The following AGO4 variants were observed in gnomAD, a reference collection of about 807,000 sequenced individuals.
The protein encoded by AGO4 is protein argonaute-4.
A neutral mutation model predicts 104.7 loss-of-function variants in AGO4; 33 were observed. The ratio of observed to expected loss-of-function variants is 0.32; its 90% confidence interval spans 0.24 to 0.42. AGO4 has a LOEUF of 0.42. Among genes scored for constraint, AGO4 ranks in the 10% least tolerant of loss-of-function variants. The pLI is 1.00. For missense variants in AGO4, 711 were observed against 1,083.4 expected (o/e 0.66, Z 4.83); for synonymous variants, 331 against 364.7 (o/e 0.91, Z 1.05).
intron 11 of AGO4, among the ~76,000 whole-genome samples, chr1:35,833,272 C>T (rs942905852): frequency 2.0e-5 from 3 of 150,682 alleles, no homozygotes; most frequent in Admixed American, 6.6e-5. Flanking sequence ...AGCAAGACTG[C>T]GTCTCAAAAA....
Position 35,855,833 on chromosome 1 carries a change from G to A in AGO4, c.*2228G>A, listed in dbSNP as rs1180918209. 6.6e-6 allele frequency: 1 copy of A among 152,220 alleles called. No individual in the cohort carries two copies. Among genetic ancestry groups the A allele is most frequent in the Non-Finnish European group, 1.5e-5 (1 of 68,066 alleles). 9.4% of individuals were successfully genotyped at this position (152,220 alleles called of 1,614,324 possible). On this transcript the variant is annotated 3_prime_UTR_variant, in exon 18 of 18. Coordinates refer to ENST00000373210, the MANE Select transcript of AGO4 (RefSeq NM_017629.4). ...GGAAAAAACGGAAGCTTTTTTAGGA[G>A]AAGGAGGACTTGCTGGAATCCAAGA...
intron 1 of AGO4, among the ~76,000 whole-genome samples, chr1:35,809,387 C>T (rs758267231): frequency 5.3e-5 from 8 of 152,130 alleles, no homozygotes; most frequent in Non-Finnish European, 1.0e-4. Flanking sequence ...ACTTTACCTA[C>T]ATAATGAACT....
chr1:35,812,405 A>G (rs1475502191), intron 1 of AGO4, among the ~76,000 whole-genome samples: 1 of 152,144 alleles, frequency 6.6e-6, no homozygotes, highest in Non-Finnish European at 1.5e-5. Flanking sequence ...TTGACATTCA[A>G]GTACTTCAGA....
chr1:35,813,325 C>T (rs530747392), intron 1 of AGO4, among the ~76,000 whole-genome samples: 1 of 151,350 alleles, frequency 6.6e-6, no homozygotes, highest in Non-Finnish European at 1.5e-5. Flanking sequence ...AGGAGAATGG[C>T]GTGAACCCGG....
rs1320890913 is a variant in AGO4, at chr1:35,855,654, T to C, written c.*2049T>C. The stretch of plus-strand genomic sequence containing the variant: ...GATGTTAATTTCTTAAAATTTTCCT[T>C]TTTTTTTTTTTTTTTTGCAAATACC... On this transcript the variant is annotated 3_prime_UTR_variant, in exon 18 of 18. Transcript: ENST00000373210. 16 of 101,668 alleles carry C rather than the reference T, an allele frequency of 1.6e-4. No individual in the cohort carries two copies. The highest frequency in any genetic ancestry group is 5.7e-5 in the African/African-American group (1 of 17,500). The allele number at this position is 101,668 out of a possible 1,614,324, so 6.3% of individuals were successfully genotyped here. A position where few individuals can be genotyped will look rare whatever the true frequency, so the allele number is the denominator to read the frequency against.
Position 35,808,087 on chromosome 1 carries a change from C to T in AGO4, c.-330C>T, listed in dbSNP as rs1464986763. The stretch of plus-strand genomic sequence containing the variant: ...CCCGGGGCCGCGCACGCCCCCTCCG[C>T]CCGCCGGGACCCTGGGTCCGCGCAC... On this transcript the variant is annotated 5_prime_UTR_variant, in exon 1 of 18. Coordinates refer to ENST00000373210, the MANE Select transcript of AGO4 (RefSeq NM_017629.4). This position sits in a 1 kb window ranked among gnomAD's most constrained non-coding sequence, Gnocchi z 5.2. 6.7e-6 allele frequency: 1 copy of T among 149,306 alleles called. No homozygotes were observed. Among genetic ancestry groups the T allele is most frequent in the Non-Finnish European group, 1.5e-5 (1 of 66,758 alleles). The allele number at this position is 149,306 out of a possible 1,614,324, so 9.2% of individuals were successfully genotyped here. A position where few individuals can be genotyped will look rare whatever the true frequency, so the allele number is the denominator to read the frequency against.
chr1:35,836,139 A>G (rs1031231518), intron 13 of AGO4, 146 bp downstream of exon 13: 2 of 912,790 alleles, frequency 2.2e-6, no homozygotes, highest in African/African-American at 3.4e-5. Context: ...AGATAAAGAT[A>G]TAGAACATTT....
chr1:35,851,416 G>A (rs1644699011), intron 17 of AGO4, among the ~76,000 whole-genome samples: 1 of 152,176 alleles, frequency 6.6e-6, no homozygotes, highest in Non-Finnish European at 1.5e-5. Flanking sequence ...TCATGCAAGT[G>A]AGGAGGCCTG....
intron 13 of AGO4, among the ~76,000 whole-genome samples, chr1:35,837,568 C>T (rs946818118): frequency 6.6e-6 from 1 of 151,996 alleles, no homozygotes; most frequent in Non-Finnish European, 1.5e-5. Flanking sequence ...TTTATAGAGA[C>T]AGGGTTTTGT....
At chr1:35,848,135 TAC>T (rs2148685882) in intron 15 of AGO4, among the ~76,000 whole-genome samples, 1 of 152,324 alleles carries the variant, frequency 6.6e-6, no homozygotes, top group African/African-American at 2.4e-5. Context: ...ATTCTGTTCC[TAC>T]AGTTTTGCTT....
intron 15 of AGO4, among the ~76,000 whole-genome samples, chr1:35,849,707 T>G (rs1571313073): frequency 6.8e-6 from 1 of 147,440 alleles, no homozygotes; most frequent in Non-Finnish European, 1.5e-5. Flanking sequence ...AAAAAAAAAG[T>G]ACTAGTTATG....
chr1:35,820,830 T>G (rs1643873614), intron 2 of AGO4, among the ~76,000 whole-genome samples: 1 of 152,190 alleles, frequency 6.6e-6, no homozygotes, highest in Non-Finnish European at 1.5e-5. Context: ...CAAGCACCAT[T>G]CTAAATACTC....
chr1:35,829,225 C>T (rs1478922175), intron 7 of AGO4, among the ~76,000 whole-genome samples: 2 of 151,184 alleles, frequency 1.3e-5, no homozygotes, highest in Non-Finnish European at 1.5e-5. Flanking sequence ...AGTATGACCT[C>T]ATGTACACAC....
Position 35,853,657 on chromosome 1 carries a change from T to C in AGO4, c.*52T>C, listed in dbSNP as rs750224521. ...TTTGGCACCCCATGCAGCCTCAAAA[T>C]GTTTCAAATGCCTACCGCCTCTAGA... On this transcript the variant is annotated 3_prime_UTR_variant, in exon 18 of 18. Coordinates refer to ENST00000373210, the MANE Select transcript of AGO4 (RefSeq NM_017629.4). The C allele has an allele frequency of 2.5e-5, 37 of 1,509,554 alleles. No individual in the cohort carries two copies. The Admixed American group carries it at 5.8e-4, about 24-fold the overall frequency. 93.5% of individuals were successfully genotyped at this position (1,509,554 alleles called of 1,614,324 possible). A position where few individuals can be genotyped will look rare whatever the true frequency, so the allele number is the denominator to read the frequency against.
intron 2 of AGO4, among the ~76,000 whole-genome samples, chr1:35,818,853 GT>G (rs1241672545): frequency 1.3e-5 from 2 of 152,072 alleles, no homozygotes; most frequent in Non-Finnish European, 2.9e-5. Context: ...GGTTAGGTGA[GT>G]TTTAAATACT....
Position 35,854,592 on chromosome 1 carries a change from T to C in AGO4, c.*987T>C, listed in dbSNP as rs370121658. ...ATCAGCTATTTCTTATATATCATAA[T>C]CTGGCAATTTCTGAAACCAGTCAGA... On this transcript the variant is annotated 3_prime_UTR_variant, in exon 18 of 18. Coordinates refer to ENST00000373210, the MANE Select transcript of AGO4 (RefSeq NM_017629.4). 1.5e-3 allele frequency: 235 copies of C among 152,792 alleles called. 2 individuals are homozygous for C. The highest frequency in any genetic ancestry group is 5.1e-3 in the African/African-American group (213 of 41,590). 9.5% of individuals were successfully genotyped at this position (152,792 alleles called of 1,614,324 possible).
Position 35,825,858 on chromosome 1 carries a change from TTTTG to T in AGO4, c.626-52_626-49del, listed in dbSNP as rs761190583. On this transcript the variant is annotated intron_variant, in intron 5 of 17. Coordinates refer to ENST00000373210, the MANE Select transcript of AGO4 (RefSeq NM_017629.4). ...TTATCCAATAACTCTTTGGGCTGGT[TTTTG>T]TTTGTTTGTTTGTTTTGGCCCTTCC... 103 of 1,595,976 alleles carry T rather than the reference TTTTG, an allele frequency of 6.5e-5. No individual in the cohort carries two copies. The East Asian group carries it at 1.1e-3, about 18-fold the overall frequency.
chr1:35,838,901 G>A (rs944020656), intron 13 of AGO4, among the ~76,000 whole-genome samples: 8 of 151,934 alleles, frequency 5.3e-5, no homozygotes, highest in East Asian at 1.9e-4. Context: ...TTGCTCTTAC[G>A]CAATCATATC....
intron 15 of AGO4, among the ~76,000 whole-genome samples, chr1:35,848,219 A>G (rs769931314): frequency 6.6e-6 from 1 of 152,220 alleles, no homozygotes; most frequent in Non-Finnish European, 1.5e-5. Flanking sequence ...AGTTGTGTAT[A>G]TATCAGTAAT....
Sources: allele counts gnomAD v4.1 joint callset (sites outside exome capture counted in the v4.1 genomes callset), GRCh38; gene constraint gnomAD v4.1.1; non-coding constraint Gnocchi (gnomAD v3.1); transcripts MANE v1.5; gene names NCBI Gene and HGNC (gene_info 2026-07-23, HGNC 2026-07-21).